ELMO1: variants seen among roughly 807,000 people sequenced by gnomAD.
ELMO1 encodes the protein engulfment and cell motility protein 1.
ELMO1 carries 26 observed loss-of-function variants against 98.9 expected under a neutral mutation model. The observed-to-expected ratio is 0.26, with a 90% CI of 0.19 to 0.36. ELMO1 has a LOEUF of 0.36. ELMO1 is among the 10% of genes least tolerant of loss of function. The pLI, the probability that ELMO1 is intolerant of heterozygous loss-of-function variation, is 1.00. For missense variants in ELMO1, 627 were observed against 935.2 expected, an observed-to-expected ratio of 0.67 and a Z score of 4.30; for synonymous variants, 346 against 346.0, an observed-to-expected ratio of 1.00 and a Z score of 0.00.
chr7:36,937,314 G>A (rs1562839154), intron 16 of ELMO1, among the ~76,000 whole-genome samples: 1 of 152,130 alleles, frequency 6.6e-6, no homozygotes, highest in Admixed American at 6.5e-5. Context: ...CAGGGAGAAC[G>A]CCACGTGACA....
At chr7:37,334,004 G>A (rs1380864786) in intron 2 of ELMO1, among the ~76,000 whole-genome samples, 1 of 152,162 alleles carries the variant, frequency 6.6e-6, no homozygotes, top group Non-Finnish European at 1.5e-5. Flanking sequence ...CAGGGAGAGT[G>A]ATAAATTTCA....
chr7:37,310,830 T>C (rs1798852960), intron 4 of ELMO1, among the ~76,000 whole-genome samples: 1 of 152,176 alleles, frequency 6.6e-6, no homozygotes, highest in African/African-American at 2.4e-5. Flanking sequence ...CCACAAGTTG[T>C]TGAGTAACCT....
intron 1 of ELMO1, among the ~76,000 whole-genome samples, chr7:37,400,890 T>C (rs192578218): frequency 3.3e-5 from 5 of 152,296 alleles, no homozygotes; most frequent in African/African-American, 9.6e-5. Flanking sequence ...TATGGGTATT[T>C]GGTACAGTTT....
intron 1 of ELMO1, among the ~76,000 whole-genome samples, chr7:37,383,370 T>A (rs1163373857): frequency 6.6e-6 from 1 of 152,182 alleles, no homozygotes; most frequent in Non-Finnish European, 1.5e-5. Context: ...GAGAGTCAGG[T>A]TATGCATTTT....
intron 13 of ELMO1, among the ~76,000 whole-genome samples, chr7:37,155,806 G>C: frequency 6.6e-6 from 1 of 152,126 alleles, no homozygotes; most frequent in South Asian, 2.1e-4. Flanking sequence ...ATTGAACTCA[G>C]CTATGGACCA....
chr7:36,995,036 C>T (rs1439949624), intron 16 of ELMO1, among the ~76,000 whole-genome samples: 2 of 152,184 alleles, frequency 1.3e-5, no homozygotes, highest in Non-Finnish European at 2.9e-5. Flanking sequence ...GCCAGTTCCA[C>T]ACCCACAAAA....
At chr7:36,922,848 C>T (rs35430559) in intron 16 of ELMO1, among the ~76,000 whole-genome samples, 4,283 of 152,306 alleles carry the variant, frequency 0.028, 77 homozygotes, top group Middle Eastern at 0.099. Context: ...AAACTTCATT[C>T]TAATGGCATG....
rs777322911 is a variant in ELMO1, at chr7:37,013,294, A to G, written c.1437+5T>C. On this transcript the variant is annotated splice_donor_5th_base_variant and intron_variant, in intron 16 of 21. Coordinates refer to ENST00000310758, the MANE Select transcript of ELMO1 (RefSeq NM_014800.11). The stretch of plus-strand genomic sequence containing the variant: ...TCCCCTGCCTCTATCCGAGATCCAC[A>G]TTACCTTGTTGAAGTCTTCAGAAGT... 11 of 1,613,984 alleles carry G rather than the reference A, an allele frequency of 6.8e-6. No individual in the cohort carries two copies. The highest frequency in any genetic ancestry group is 5.0e-5 in the Admixed American group (3 of 60,004).
At chr7:36,960,844 C>A (rs1788883201) in intron 16 of ELMO1, among the ~76,000 whole-genome samples, 1 of 152,144 alleles carries the variant, frequency 6.6e-6, no homozygotes, top group South Asian at 2.1e-4. Context: ...CCAAACCAAT[C>A]CACTGGGCCC....
chr7:37,381,229 G>A (rs1802566890), intron 1 of ELMO1, among the ~76,000 whole-genome samples: 1 of 152,236 alleles, frequency 6.6e-6, no homozygotes, highest in African/African-American at 2.4e-5. Flanking sequence ...CCCAGCTGCT[G>A]TAGAGTGAGA....
chr7:37,347,366 G>A (rs777165946), intron 1 of ELMO1, among the ~76,000 whole-genome samples: 7 of 152,194 alleles, frequency 4.6e-5, no homozygotes, highest in Non-Finnish European at 1.5e-5. Context: ...ATGACTGGCA[G>A]CATACCTGGC....
intron 16 of ELMO1, among the ~76,000 whole-genome samples, chr7:36,900,817 T>C (rs886980909): frequency 2.0e-5 from 3 of 152,156 alleles, no homozygotes; most frequent in East Asian, 1.9e-4. Context: ...AAATGACTCA[T>C]GTGGGGGAGA....
chr7:36,902,204 G>C (rs1241163776), intron 16 of ELMO1, among the ~76,000 whole-genome samples: 3 of 152,190 alleles, frequency 2.0e-5, no homozygotes, highest in Non-Finnish European at 4.4e-5. Context: ...AATTATACCA[G>C]ATGAATTTGA....
At chr7:37,401,969 T>C (rs1803556304) in intron 1 of ELMO1, among the ~76,000 whole-genome samples, 1 of 152,230 alleles carries the variant, frequency 6.6e-6, no homozygotes, top group African/African-American at 2.4e-5. Flanking sequence ...CTTTGTCCAA[T>C]CATACATCTC....
chr7:37,446,394 G>A (rs1805618576), intron 1 of ELMO1, among the ~76,000 whole-genome samples: 1 of 152,168 alleles, frequency 6.6e-6, no homozygotes, highest in African/African-American at 2.4e-5. Flanking sequence ...TAACATAAGA[G>A]GCCCAGGGAG....
At chr7:36,924,949 G>C (rs1211062875) in intron 16 of ELMO1, among the ~76,000 whole-genome samples, 5 of 152,202 alleles carry the variant, frequency 3.3e-5, no homozygotes, top group African/African-American at 1.2e-4. Context: ...TTTCAATTCA[G>C]AACAGTTTTA....
rs552765357 is a variant in ELMO1, at chr7:37,124,218, G to C, written c.1191+8912C>G. 2.0e-4 allele frequency among the ~76,000 whole-genome samples: 30 copies of C among 152,222 alleles called. 1 individual carries two copies. The highest frequency in any genetic ancestry group is 9.8e-4 in the Admixed American group (15 of 15,280). ...AAACTGGAAGCATTCCCTTTGAAAA[G>C]TTGCACAAGACAGGGATGCACTCTC... is the stretch of plus-strand genomic sequence containing the variant. On this transcript the variant is annotated intron_variant, in intron 14 of 21. Transcript: ENST00000310758.
rs2131580392 is a variant in ELMO1, at chr7:37,437,477, T to C, written c.-74+11198A>G. Among the ~76,000 whole-genome samples, 3 of 152,376 alleles carry C rather than the reference T, an allele frequency of 2.0e-5. No individual in the cohort carries two copies. In the Middle Eastern group the frequency reaches 0.01, roughly 518 times the overall value. ...TCCCCGTCTGTATTTTAACAGTTGG[T>C]ACTTCTCCTGTACTGGTTTAAGTTT... On this transcript the variant is annotated intron_variant, in intron 1 of 21. Coordinates refer to ENST00000310758, the MANE Select transcript of ELMO1 (RefSeq NM_014800.11).
At chr7:37,206,494 G>A (rs1178292932) in intron 13 of ELMO1, among the ~76,000 whole-genome samples, 1 of 152,118 alleles carries the variant, frequency 6.6e-6, no homozygotes, top group Non-Finnish European at 1.5e-5. Context: ...GATAGAGAAG[G>A]AAAAATATAA....
Sources: gnomAD v4.1 joint callset for allele counts (sites outside exome capture counted in the v4.1 genomes callset) on GRCh38, gnomAD v4.1.1 for gene constraint, MANE v1.5 for transcripts, NCBI Gene and HGNC (gene_info 2026-07-23, HGNC 2026-07-21) for gene names.